Variants in COL23A1 observed in about 807,000 individuals in gnomAD.
COL23A1 encodes collagen type XXIII alpha 1 chain.
A neutral mutation model predicts 99.3 loss-of-function variants in COL23A1; 97 were observed. The ratio of observed to expected loss-of-function variants is 0.98; its 90% CI spans 0.83 to 1.16. The LOEUF (loss-of-function observed/expected upper bound fraction) is 1.16, where lower values mean the gene tolerates loss of function less well. Ranked by LOEUF, COL23A1 falls within the 50% of genes most tolerant of loss-of-function variation. COL23A1 has a pLI of 0.00. For missense variants in COL23A1, 762 were observed against 757.4 expected (o/e 1.01, Z -0.07); for synonymous variants, 320 against 308.2 (o/e 1.04, Z -0.40).
At position 178,247,485 on chromosome 5, in the gene COL23A1, C is replaced by T. The variant is rs370845818; in HGVS notation, c.1296+41G>A. The T allele has an allele frequency of 3.8e-5, 61 of 1,611,306 alleles. No homozygotes were observed. The East Asian group carries it at 8.2e-4, about 22-fold the overall frequency. On this transcript the variant is annotated intron_variant, in intron 22 of 28. Coordinates refer to ENST00000390654, the MANE Select transcript of COL23A1 (RefSeq NM_173465.4). The stretch of plus-strand genomic sequence containing the variant: ...GCAAGGCTCTTGGAAACTGCCCAGA[C>T]GGTGAGTCTGAGGCCAGTAGAGGGG...
In COL23A1 at chr5:178,415,167, C is replaced by A. The variant is rs1765240256; in HGVS notation, c.362-108248G>T. On this transcript the variant is annotated intron_variant, in intron 2 of 28. Transcript: ENST00000390654. The surrounding 1 kb of genome is among the most constrained non-coding windows in gnomAD (Gnocchi z 4.6). Reference sequence around the variant, plus strand: ...GCTTGGATTCAGCCTCTGACTCTCCCAGGAAGGAGCTCCAGTCAAGGATCC... The same window carrying A: ...GCTTGGATTCAGCCTCTGACTCTCCAAGGAAGGAGCTCCAGTCAAGGATCC... Among the ~76,000 whole-genome samples, 1 of 152,178 alleles carries A rather than the reference C, an allele frequency of 6.6e-6. No individual in the cohort carries two copies. The highest frequency in any genetic ancestry group is 6.5e-5 in the Admixed American group (1 of 15,284).
chr5:178,397,097 C>G (rs993689698), intron 2 of COL23A1, among the ~76,000 whole-genome samples: 1 of 152,342 alleles, frequency 6.6e-6, no homozygotes, highest in East Asian at 1.9e-4. Context: ...GCTGTGCACC[C>G]AGCCTCCAGG....
At chr5:178,286,873 A>G (rs978534493) in intron 5 of COL23A1, among the ~76,000 whole-genome samples, 3 of 151,564 alleles carry the variant, frequency 2.0e-5, no homozygotes, top group African/African-American at 7.3e-5. Context: ...AGAGGAAACA[A>G]TGGAGAAGAG....
intron 2 of COL23A1, among the ~76,000 whole-genome samples, chr5:178,477,520 G>A (rs986624396): frequency 6.6e-6 from 1 of 152,206 alleles, no homozygotes; most frequent in Non-Finnish European, 1.5e-5. Context: ...TCAAAAGAGT[G>A]TCTTTCATGT....
At chr5:178,344,872 C>A in intron 2 of COL23A1, 1 of 770,228 alleles carries the variant, frequency 1.3e-6, no homozygotes, top group Non-Finnish European at 2.2e-6. Flanking sequence ...CTGGCATTAC[C>A]AGAAGAGTCT....
At chr5:178,531,639 A>C (rs553446645) in intron 2 of COL23A1, among the ~76,000 whole-genome samples, 106 of 152,328 alleles carry the variant, frequency 7.0e-4, no homozygotes, top group African/African-American at 2.5e-3. Flanking sequence ...AACGGATAGG[A>C]TGGCTTTCAG....
intron 2 of COL23A1, among the ~76,000 whole-genome samples, chr5:178,482,336 G>A (rs1313595552): frequency 2.6e-5 from 4 of 152,052 alleles, no homozygotes; most frequent in Non-Finnish European, 2.9e-5. Flanking sequence ...TTTTGCTAAT[G>A]AGCTTTTGAA....
intron 5 of COL23A1, among the ~76,000 whole-genome samples, chr5:178,282,141 T>G (rs922396921): frequency 1.3e-4 from 20 of 151,698 alleles, no homozygotes; most frequent in African/African-American, 4.8e-4. Flanking sequence ...AGGGACACCC[T>G]GCACAGTGAT....
Position 178,307,919 on chromosome 5 carries a change from C to T in COL23A1, c.362-1000G>A, listed in dbSNP as rs992395184. Among the ~76,000 whole-genome samples the T allele has an allele frequency of 7.2e-5, 11 of 152,184 alleles. No individual in the cohort carries two copies. The highest frequency in any genetic ancestry group is 1.6e-4 in the Non-Finnish European group (11 of 68,034). On this transcript the variant is annotated intron_variant, in intron 2 of 28. Transcript: ENST00000390654. This position sits in a 1 kb window ranked among gnomAD's most constrained non-coding sequence, Gnocchi z 4.2. ...TCCTGCAAAAGCCAACCTCAAACCCCGTCAAGAATTTCCAGAACAACCACG... is the reference window on the plus strand; with the variant it reads ...TCCTGCAAAAGCCAACCTCAAACCCTGTCAAGAATTTCCAGAACAACCACG...
intron 1 of COL23A1, among the ~76,000 whole-genome samples, chr5:178,580,594 G>T (rs1188556892): frequency 6.6e-6 from 1 of 152,160 alleles, no homozygotes; most frequent in Admixed American, 6.5e-5. Context: ...GATGAAAACT[G>T]CATAAGGGAG....
intron 2 of COL23A1, among the ~76,000 whole-genome samples, chr5:178,389,795 G>A (rs1763867334): frequency 6.6e-6 from 1 of 152,146 alleles, no homozygotes; most frequent in Non-Finnish European, 1.5e-5. Context: ...CCCAAGGTGG[G>A]TATGAATATA....
rs141743602 is a variant in COL23A1 at position 178,537,103 on chromosome 5, C to T, written c.361+23579G>A. ...CACACCTCTGAGCTGTGGAACACAG[C>T]GGGTGACATGATTTCCATGGAAGGC... On this transcript the variant is annotated intron_variant, in intron 2 of 28. Coordinates refer to ENST00000390654, the MANE Select transcript of COL23A1 (RefSeq NM_173465.4). 4.1e-3 allele frequency among the ~76,000 whole-genome samples: 630 copies of T among 152,344 alleles called. 5 individuals carry two copies. Among genetic ancestry groups the T allele is most frequent in the South Asian group, 6.8e-3 (33 of 4,828 alleles).
chr5:178,366,886 G>A lies in COL23A1; in HGVS notation c.362-59967C>T, dbSNP rs1484183109. Among the ~76,000 whole-genome samples the A allele has an allele frequency of 6.6e-6, 1 of 152,204 alleles. No homozygotes were observed. Among genetic ancestry groups the A allele is most frequent in the Non-Finnish European group, 1.5e-5 (1 of 68,034 alleles). On this transcript the variant is annotated intron_variant, in intron 2 of 28. Coordinates refer to ENST00000390654, the MANE Select transcript of COL23A1 (RefSeq NM_173465.4). This position sits in a 1 kb window ranked among gnomAD's most constrained non-coding sequence, Gnocchi z 4.4. ...TCTGCAGCCCCACGTGGCCCACTTG[G>A]CATGAGTGGCTGGCTTGCTCGCCTT...
intron 1 of COL23A1, among the ~76,000 whole-genome samples, chr5:178,580,275 C>T (rs986371362): frequency 2.6e-5 from 4 of 151,922 alleles, no homozygotes; most frequent in South Asian, 4.2e-4. Context: ...CTGCAGTGAG[C>T]CGAGATCGTG....
intron 2 of COL23A1, among the ~76,000 whole-genome samples, chr5:178,472,188 G>A (rs1454422975): frequency 6.6e-6 from 1 of 152,206 alleles, no homozygotes; most frequent in Non-Finnish European, 1.5e-5. Flanking sequence ...AAGGACTGCA[G>A]GCGCTGAAGA....
chr5:178,346,574 T>C (rs1021368027), intron 2 of COL23A1, among the ~76,000 whole-genome samples: 2 of 152,192 alleles, frequency 1.3e-5, no homozygotes, highest in Admixed American at 1.3e-4. Context: ...CATATGTACA[T>C]ACGTCTTAAT....
intron 2 of COL23A1, among the ~76,000 whole-genome samples, chr5:178,390,243 C>T (rs749137379): frequency 3.9e-5 from 6 of 152,122 alleles, no homozygotes; most frequent in African/African-American, 7.2e-5. Context: ...AGGGAGAGAC[C>T]GGCTAACTTG....
chr5:178,383,860 C>T (rs1251409042), intron 2 of COL23A1, among the ~76,000 whole-genome samples: 4 of 138,264 alleles, frequency 2.9e-5, no homozygotes, highest in African/African-American at 1.1e-4. Context: ...ATGGTAAAAG[C>T]AAACCTTACG....
At chr5:178,257,595 G>A (rs1338671060) in intron 12 of COL23A1, 28 bp from the exon 13 acceptor site, 13 of 1,551,652 alleles carry the variant, frequency 8.4e-6, no homozygotes, top group Admixed American at 2.0e-5. Flanking sequence ...GGGGCTTGCC[G>A]GTCAGACCCT....
Sources: allele counts gnomAD v4.1 joint callset (sites outside exome capture counted in the v4.1 genomes callset), GRCh38; gene constraint gnomAD v4.1.1; non-coding constraint Gnocchi (gnomAD v3.1); transcripts MANE v1.5; gene names NCBI Gene and HGNC (gene_info 2026-07-23, HGNC 2026-07-21).